The following APBB2 variants were observed in gnomAD, a reference collection of about 807,000 sequenced individuals.
The protein encoded by APBB2 is Fe65-like 1.
APBB2 carries 38 observed loss-of-function variants against 82.5 expected under a neutral mutation model. That is an observed-to-expected ratio of 0.46 (90% CI 0.36 to 0.60). APBB2 has a LOEUF of 0.60. APBB2 is among the 20% of genes least tolerant of loss of function. The pLI, the probability that APBB2 is intolerant of heterozygous loss-of-function variation, is 0.00. For synonymous variants in APBB2, 341 were observed against 368.2 expected (o/e 0.93, Z 0.85); for missense variants, 772 against 972.3 (o/e 0.79, Z 2.74).
At chr4:41,059,758 G>T (rs1431914234) in intron 4 of APBB2, among the ~76,000 whole-genome samples, 1 of 152,078 alleles carries the variant, frequency 6.6e-6, no homozygotes, top group Non-Finnish European at 1.5e-5. Context: ...ATAAGTATGT[G>T]GGTAAATCTC....
At chr4:41,203,627 G>A (rs1384140688) in intron 1 of APBB2, among the ~76,000 whole-genome samples, 1 of 152,116 alleles carries the variant, frequency 6.6e-6, no homozygotes, top group Non-Finnish European at 1.5e-5. Flanking sequence ...GAAATGCCAC[G>A]AATACAGAGA....
chr4:41,145,860 G>T (rs1301286250), intron 1 of APBB2, among the ~76,000 whole-genome samples: 1 of 152,162 alleles, frequency 6.6e-6, no homozygotes, highest in African/African-American at 2.4e-5. Flanking sequence ...CTTCCAAAAT[G>T]ACCCAAGTCT....
At chr4:40,894,173 G>A (rs934724787) in intron 10 of APBB2, among the ~76,000 whole-genome samples, 10 of 151,398 alleles carry the variant, frequency 6.6e-5, no homozygotes, top group Non-Finnish European at 7.4e-5. Flanking sequence ...CTCTAGTCCC[G>A]GCTACTCAGG....
At chr4:40,988,969 A>G (rs1222843304) in intron 6 of APBB2, among the ~76,000 whole-genome samples, 1 of 152,084 alleles carries the variant, frequency 6.6e-6, no homozygotes, top group Non-Finnish European at 1.5e-5. Context: ...CATGTTGGCC[A>G]GGCTGGTCTT....
At chr4:40,859,148 G>A (rs1297787373) in intron 12 of APBB2, among the ~76,000 whole-genome samples, 1 of 152,196 alleles carries the variant, frequency 6.6e-6, no homozygotes, top group Non-Finnish European at 1.5e-5. Flanking sequence ...TGTGACAGCT[G>A]AGGGTCTGCT....
chr4:40,981,374 C>A (rs1798436406), intron 6 of APBB2, among the ~76,000 whole-genome samples: 1 of 131,996 alleles, frequency 7.6e-6, no homozygotes. Flanking sequence ...GAGTGAGACC[C>A]TGTCTCAAAA....
chr4:41,079,839 G>A (rs1163443048), intron 3 of APBB2, among the ~76,000 whole-genome samples: 4 of 152,062 alleles, frequency 2.6e-5, no homozygotes, highest in Non-Finnish European at 5.9e-5. Flanking sequence ...AAACCACCGC[G>A]ACCGGCCAGC....
chr4:40,965,238 G>A (rs9998126), intron 6 of APBB2, among the ~76,000 whole-genome samples: 2,083 of 152,298 alleles, frequency 0.014, 53 homozygotes, highest in African/African-American at 0.046. Flanking sequence ...CTTTGCATGC[G>A]TGGAGCAGGG....
Position 41,014,146 on chromosome 4 carries a change from C to A in APBB2, c.272G>T (p.Gly91Val). ...CAGCTTGATGTTGGCAGAGCCATTT[C>A]CCAGCAGGGGCTGTGCAGCTGGATC... is the stretch of plus-strand genomic sequence containing the variant. ...LSDPAAQPLL[G>V]NGSANIKLVK... Residue 91 changes from glycine (G) to valine (V), a missense_variant, in exon 6 of 18, where the codon GGA becomes GTA. Coordinates refer to ENST00000508593, the MANE Select transcript of APBB2 (RefSeq NM_004307.2). 6.2e-7 allele frequency: 1 copy of A among 1,614,234 alleles called. No individual in the cohort carries two copies. The highest frequency in any genetic ancestry group is 8.5e-7 in the Non-Finnish European group (1 of 1,180,036).
At chr4:41,203,525 C>G (rs1276455693) in intron 1 of APBB2, among the ~76,000 whole-genome samples, 1 of 152,052 alleles carries the variant, frequency 6.6e-6, no homozygotes, top group Non-Finnish European at 1.5e-5. Context: ...GGAGGTTTTC[C>G]CCCCTGAATT....
chr4:41,004,554 C>A (rs1200683297), intron 6 of APBB2, among the ~76,000 whole-genome samples: 2 of 152,038 alleles, frequency 1.3e-5, no homozygotes, highest in East Asian at 3.9e-4. Flanking sequence ...AAATGACTGG[C>A]ATGTGGCCGG....
At chr4:40,840,659 G>A (rs1186864546) in intron 12 of APBB2, among the ~76,000 whole-genome samples, 1 of 152,078 alleles carries the variant, frequency 6.6e-6, no homozygotes, top group Non-Finnish European at 1.5e-5. Flanking sequence ...CCAGGTACTC[G>A]TCACCTGGGT....
At chr4:40,872,893 C>T (rs1038742591) in intron 12 of APBB2, among the ~76,000 whole-genome samples, 1 of 151,848 alleles carries the variant, frequency 6.6e-6, no homozygotes, top group Non-Finnish European at 1.5e-5. Flanking sequence ...CGAGACCAGC[C>T]TGGCCAACAT....
rs147440428 is a variant in APBB2 at position 40,878,196 on chromosome 4, A to G, written c.1529+12168T>C. ...ACCCCATCTCTACTAAAAATACAAA[A>G]ATTAGACGGGTGTGGTGGCACATGT... On this transcript the variant is annotated intron_variant, in intron 12 of 17. Coordinates refer to ENST00000508593, the MANE Select transcript of APBB2 (RefSeq NM_004307.2). Among the ~76,000 whole-genome samples, 286 of 151,978 alleles carry G rather than the reference A, an allele frequency of 1.9e-3. 1 individual carries two copies. The highest frequency in any genetic ancestry group is 6.7e-3 in the African/African-American group (276 of 41,424).
chr4:41,133,080 C>A (rs893027740), intron 2 of APBB2, among the ~76,000 whole-genome samples: 1 of 151,906 alleles, frequency 6.6e-6, no homozygotes, highest in East Asian at 1.9e-4. Flanking sequence ...AAAAATTATA[C>A]AAAAGGGAAT....
chr4:40,823,615 C>T, intron 16 of APBB2, 29 bp downstream of exon 16: 2 of 1,484,422 alleles, frequency 1.3e-6, no homozygotes, highest in Non-Finnish European at 1.9e-6. Flanking sequence ...GTATAAGACA[C>T]ACCAATGTCA....
chr4:41,139,697 T>C (rs1432790139), intron 2 of APBB2, among the ~76,000 whole-genome samples: 2 of 152,142 alleles, frequency 1.3e-5, no homozygotes, highest in Non-Finnish European at 2.9e-5. Context: ...ATTCTAACTA[T>C]ATGACACTGT....
chr4:41,063,802 C>G (rs1192565943), intron 4 of APBB2, among the ~76,000 whole-genome samples: 1 of 152,104 alleles, frequency 6.6e-6, no homozygotes, highest in Admixed American at 6.5e-5. Flanking sequence ...CCTCAGCCTC[C>G]CGAGTAGCTG....
intron 5 of APBB2, among the ~76,000 whole-genome samples, chr4:41,023,858 A>C (rs888345097): frequency 1.1e-4 from 16 of 152,190 alleles, no homozygotes; most frequent in Admixed American, 7.9e-4. Flanking sequence ...CCAAAAAAAG[A>C]GTCCAATTAG....
Sources: allele counts gnomAD v4.1 joint callset (sites outside exome capture counted in the v4.1 genomes callset), GRCh38; gene constraint gnomAD v4.1.1; transcripts MANE v1.5; gene names NCBI Gene and HGNC (gene_info 2026-07-23, HGNC 2026-07-21).